Variants in PARL observed in about 807,000 individuals in gnomAD.
The protein encoded by PARL is presenilin-associated rhomboid-like protein, mitochondrial.
Under a neutral mutation model 51.6 loss-of-function variants are expected in PARL, and 44 were observed. The ratio of observed to expected loss-of-function variants is 0.85; its 90% CI spans 0.67 to 1.10. PARL has a LOEUF of 1.10. Among genes scored for constraint, PARL ranks in the 50% least tolerant of loss-of-function variants. The pLI is 0.00. For synonymous variants in PARL, 172 were observed against 164.0 expected, an observed-to-expected ratio of 1.05 and a Z score of -0.37; for missense variants, 441 against 469.5, an observed-to-expected ratio of 0.94 and a Z score of 0.56.
chr3:183,868,000 A>AG lies in PARL; in HGVS notation c.185dup (p.Arg63SerfsTer10). ...CACTTGTCCCTGGGTCTGATCTTCG[A>AG]GGTTCAACCTTCCTGGGTGCTTTTC... On this transcript the variant is annotated frameshift_variant, in exon 2 of 10. Coordinates refer to ENST00000317096, the MANE Select transcript of PARL (RefSeq NM_018622.7). LOFTEE classifies it high-confidence loss of function. 1 of 1,614,162 alleles carries AG rather than the reference A, an allele frequency of 6.2e-7. No individual in the cohort carries two copies. The highest frequency in any genetic ancestry group is 8.5e-7 in the Non-Finnish European group (1 of 1,180,004).
In PARL at chr3:183,840,598, G is replaced by T; in HGVS notation, c.800C>A (p.Thr267Lys). 1 of 1,563,362 alleles carries T rather than the reference G, an allele frequency of 6.4e-7. No homozygotes were observed. The highest frequency in any genetic ancestry group is 8.8e-7 in the Non-Finnish European group (1 of 1,140,078). ...NFVSYVGKVATGRYGPSLGAS... is the reference protein window; with the variant it reads ...NFVSYVGKVAKGRYGPSLGAS... ...ACCAAGTGATGGTCCATATCTTCCT[G>T]TGGCAACTTTACCCACGTAACTGAC... Residue 267 changes from threonine (T) to lysine (K), a missense_variant, in exon 7 of 10, where the codon ACA becomes AAA. Transcript: ENST00000317096.
chr3:183,841,965 A>C (rs1306838009), intron 6 of PARL, among the ~76,000 whole-genome samples: 1 of 152,210 alleles, frequency 6.6e-6, no homozygotes, highest in Admixed American at 6.5e-5. Flanking sequence ...TATCTATAAA[A>C]TGGAGGGCCT....
intron 3 of PARL, among the ~76,000 whole-genome samples, chr3:183,865,038 G>A (rs1463696064): frequency 1.3e-5 from 2 of 151,668 alleles, no homozygotes; most frequent in Admixed American, 6.6e-5. Flanking sequence ...AGGCACAGTG[G>A]CTCACACTTG....
intron 1 of PARL, among the ~76,000 whole-genome samples, chr3:183,884,023 AGAG>A (rs1457772505): frequency 6.6e-6 from 1 of 152,370 alleles, no homozygotes; most frequent in East Asian, 1.9e-4. Context: ...TTTGAACAAA[AGAG>A]GAGGAAAATT....
intron 3 of PARL, among the ~76,000 whole-genome samples, chr3:183,864,917 T>G (rs1473190730): frequency 8.7e-6 from 1 of 115,158 alleles, no homozygotes; most frequent in Non-Finnish European, 1.9e-5. Flanking sequence ...TTTTTTTTTT[T>G]TTTTCCGTAT....
intron 1 of PARL, among the ~76,000 whole-genome samples, chr3:183,878,070 C>A (rs1000127779): frequency 6.6e-5 from 10 of 152,152 alleles, no homozygotes; most frequent in Non-Finnish European, 1.5e-4. Flanking sequence ...GGATTACAGG[C>A]GTGAGCCACC....
downstream of PARL, among the ~76,000 whole-genome samples, chr3:183,827,839 C>T (rs1036187064): frequency 6.6e-5 from 10 of 152,146 alleles, no homozygotes; most frequent in African/African-American, 2.4e-4. Context: ...GTCTGGAGCT[C>T]AGAATCCTCA....
chr3:183,832,307 C>T (rs1161329034), intron 9 of PARL, among the ~76,000 whole-genome samples: 1 of 151,830 alleles, frequency 6.6e-6, no homozygotes, highest in East Asian at 1.9e-4. Context: ...CAAGCTCTGC[C>T]TTCTGGGTTC....
chr3:183,854,855 A>C (rs920686633), intron 4 of PARL, among the ~76,000 whole-genome samples: 5 of 152,018 alleles, frequency 3.3e-5, no homozygotes, highest in Non-Finnish European at 5.9e-5. Flanking sequence ...ATGGAGGTTC[A>C]TAGCACCATT....
At chr3:183,860,688 T>C (rs951515401) in intron 4 of PARL, among the ~76,000 whole-genome samples, 2 of 152,244 alleles carry the variant, frequency 1.3e-5, no homozygotes, top group Non-Finnish European at 2.9e-5. Context: ...GCTAGGCTTC[T>C]TCATATGTTA....
chr3:183,864,040 G>GT (rs1732152593), intron 3 of PARL, among the ~76,000 whole-genome samples: 1 of 152,172 alleles, frequency 6.6e-6, no homozygotes, highest in Non-Finnish European at 1.5e-5. Flanking sequence ...CTATAGCTTT[G>GT]TAAGAGATCC....
intron 1 of PARL, among the ~76,000 whole-genome samples, chr3:183,868,693 G>A (rs757188016): frequency 4.5e-4 from 68 of 152,212 alleles, no homozygotes; most frequent in Non-Finnish European, 1.2e-4. Flanking sequence ...ACAGGCATGA[G>A]CCATGGTGCC....
At chr3:183,882,888 T>C (rs991922056) in intron 1 of PARL, among the ~76,000 whole-genome samples, 4 of 152,166 alleles carry the variant, frequency 2.6e-5, no homozygotes, top group Non-Finnish European at 4.4e-5. Context: ...GTCATTCTTC[T>C]GCACGCTAAT....
At chr3:183,871,461 T>C (rs1450688864) in intron 1 of PARL, among the ~76,000 whole-genome samples, 1 of 144,436 alleles carries the variant, frequency 6.9e-6, no homozygotes, top group African/African-American at 2.6e-5. Flanking sequence ...AACTTAAATT[T>C]CCATTAACAG....
At position 183,866,753 on chromosome 3, in the gene PARL, C is replaced by T; in HGVS notation, c.334G>A (p.Ala112Thr). The T allele has an allele frequency of 6.2e-7, 1 of 1,600,598 alleles. No individual in the cohort carries two copies. Among genetic ancestry groups the T allele is most frequent in the Non-Finnish European group, 8.6e-7 (1 of 1,168,006 alleles). The change falls in exon 3 of 10, where the codon GCA becomes ACA. Residue 112 changes from alanine to threonine, a missense_variant. Coordinates refer to ENST00000317096, the MANE Select transcript of PARL (RefSeq NM_018622.7). ...TGCCAAATAGCAGCTGATCCAAATGCACAGCCTGTAAACTATATAAAATTA... is the reference window on the plus strand; with the variant it reads ...TGCCAAATAGCAGCTGATCCAAATGTACAGCCTGTAAACTATATAAAATTA... ...LFFTVGFTGC[A>T]FGSAAIWQYE...
At chr3:183,878,187 T>C (rs920290214) in intron 1 of PARL, among the ~76,000 whole-genome samples, 2 of 152,158 alleles carry the variant, frequency 1.3e-5, no homozygotes, top group Non-Finnish European at 2.9e-5. Context: ...CTGCTTGCTC[T>C]TTCACCGCCC....
chr3:183,851,691 T>TA (rs980946271), intron 4 of PARL, among the ~76,000 whole-genome samples: 68 of 150,206 alleles, frequency 4.5e-4, no homozygotes, highest in African/African-American at 1.2e-3. Context: ...CCAGAATATA[T>TA]AAAAAAAAAC....
At chr3:183,835,477 T>G (rs1334797647) in intron 7 of PARL, among the ~76,000 whole-genome samples, 1 of 152,122 alleles carries the variant, frequency 6.6e-6, no homozygotes, top group Non-Finnish European at 1.5e-5. Flanking sequence ...TTCTTAGAAG[T>G]CAGGGTAACT....
intron 4 of PARL, among the ~76,000 whole-genome samples, chr3:183,849,244 A>G (rs1730292358): frequency 6.6e-6 from 1 of 152,232 alleles, no homozygotes; most frequent in Non-Finnish European, 1.5e-5. Flanking sequence ...ATTCTTCTCA[A>G]GTGCACATGC....
Sources: gnomAD v4.1 joint callset for allele counts (sites outside exome capture counted in the v4.1 genomes callset) on GRCh38, gnomAD v4.1.1 for gene constraint, MANE v1.5 for transcripts, NCBI Gene and HGNC (gene_info 2026-07-23, HGNC 2026-07-21) for gene names.